Variants in PPM1E observed in about 807,000 individuals in gnomAD.
PPM1E encodes protein phosphatase, Mg2+/Mn2+ dependent 1E.
A neutral mutation model predicts 65.9 loss-of-function variants in PPM1E; 20 were observed. The observed-to-expected ratio is 0.30, with a 90% CI of 0.21 to 0.44. PPM1E has a LOEUF of 0.44. PPM1E is among the 20% of genes least tolerant of loss of function. The probability of loss-of-function intolerance (pLI) is 1.00; values close to 1 mark genes in which losing one functional copy is unlikely to be tolerated. For missense variants in PPM1E, 713 were observed against 953.1 expected (o/e 0.75, Z 3.32); for synonymous variants, 352 against 374.9 (o/e 0.94, Z 0.70).
intron 1 of PPM1E, among the ~76,000 whole-genome samples, chr17:58,784,310 A>G (rs1229067913): frequency 6.6e-6 from 1 of 152,158 alleles, no homozygotes; most frequent in East Asian, 1.9e-4. Flanking sequence ...GGCATGAGCC[A>G]CCACGTCCGG....
At chr17:58,920,127 G>C (rs1469743398) in intron 1 of PPM1E, among the ~76,000 whole-genome samples, 1 of 152,070 alleles carries the variant, frequency 6.6e-6, no homozygotes, top group Non-Finnish European at 1.5e-5. Context: ...GATAAACAGA[G>C]GAATCAAAAT....
At chr17:58,874,276 G>C (rs905145449) in intron 1 of PPM1E, among the ~76,000 whole-genome samples, 1 of 152,150 alleles carries the variant, frequency 6.6e-6, no homozygotes, top group Admixed American at 6.5e-5. Context: ...GTCCTGGGGT[G>C]ATTGCTGCCA....
At chr17:58,904,847 C>G (rs1319749231) in intron 1 of PPM1E, among the ~76,000 whole-genome samples, 1 of 132,062 alleles carries the variant, frequency 7.6e-6, no homozygotes, top group Middle Eastern at 3.8e-3. Flanking sequence ...CCCATCTCTA[C>G]TAAAAATACA....
At chr17:58,798,490 TG>T (rs2050228213) in intron 1 of PPM1E, among the ~76,000 whole-genome samples, 1 of 151,406 alleles carries the variant, frequency 6.6e-6, no homozygotes, top group East Asian at 1.9e-4. Context: ...CCCAAAGTGC[TG>T]GGATTACAGG....
chr17:58,818,879 G>T (rs1316901998), intron 1 of PPM1E, among the ~76,000 whole-genome samples: 4 of 152,218 alleles, frequency 2.6e-5, no homozygotes, highest in African/African-American at 7.2e-5. Flanking sequence ...GCACGTGCTG[G>T]TAGCTGCAAC....
intron 1 of PPM1E, among the ~76,000 whole-genome samples, chr17:58,840,524 G>A (rs1211547883): frequency 6.6e-6 from 1 of 152,142 alleles, no homozygotes; most frequent in Non-Finnish European, 1.5e-5. Context: ...TTATTCTTCA[G>A]TAAGAGTAAC....
chr17:58,756,900 C>G (rs1409590726), intron 1 of PPM1E, among the ~76,000 whole-genome samples: 6 of 152,208 alleles, frequency 3.9e-5, no homozygotes, highest in Admixed American at 1.3e-4. Context: ...TCTGTCTTTT[C>G]CCGGGCTGAG....
At chr17:58,766,196 G>GT (rs10604459) in intron 1 of PPM1E, among the ~76,000 whole-genome samples, 1,488 of 65,132 alleles carry the variant, frequency 0.023, 37 homozygotes, top group Middle Eastern at 0.037. Flanking sequence ...TGTAATTTCT[G>GT]TTTTTTTTTT....
At chr17:58,813,887 T>C (rs932111597) in intron 1 of PPM1E, among the ~76,000 whole-genome samples, 2 of 152,112 alleles carry the variant, frequency 1.3e-5, no homozygotes, top group Non-Finnish European at 2.9e-5. Flanking sequence ...CAGCACTAGG[T>C]GTACAGTGTC....
chr17:58,953,374 C>G (rs974360984), intron 1 of PPM1E, among the ~76,000 whole-genome samples: 9 of 152,168 alleles, frequency 5.9e-5, no homozygotes, highest in African/African-American at 1.7e-4. Context: ...AAAGGGAGCC[C>G]TCATGTGGAG....
intron 1 of PPM1E, among the ~76,000 whole-genome samples, chr17:58,836,888 C>T (rs866210048): frequency 1.0e-3 from 152 of 149,864 alleles, no homozygotes; most frequent in African/African-American, 3.4e-3. Context: ...GGCATGGTGG[C>T]GCGCGCCTGT....
rs1423331262 is a variant in PPM1E, at chr17:58,982,732, A to G, written c.*1701A>G. ...AGTATTTGTTTTCTCTTGATTTTGA[A>G]GTCATTTCTTCTTCTCACGTCTGTG... On this transcript the variant is annotated 3_prime_UTR_variant, in exon 7 of 7. Coordinates refer to ENST00000308249, the MANE Select transcript of PPM1E (RefSeq NM_014906.5). 2 of 531,418 alleles carry G rather than the reference A, an allele frequency of 3.8e-6. No homozygotes were observed. The highest frequency in any genetic ancestry group is 6.7e-6 in the Non-Finnish European group (2 of 300,620). 32.9% of individuals were successfully genotyped at this position (531,418 alleles called of 1,614,324 possible). A position where few individuals can be genotyped will look rare whatever the true frequency, so the allele number is the denominator to read the frequency against.
chr17:58,921,912 C>T (rs2051756665), intron 1 of PPM1E, among the ~76,000 whole-genome samples: 1 of 151,562 alleles, frequency 6.6e-6, no homozygotes, highest in Non-Finnish European at 1.5e-5. Flanking sequence ...TGGTGGCACG[C>T]ACCTGTAATC....
intron 1 of PPM1E, among the ~76,000 whole-genome samples, chr17:58,828,848 C>T (rs980175052): frequency 1.3e-5 from 2 of 152,076 alleles, no homozygotes; most frequent in Non-Finnish European, 2.9e-5. Flanking sequence ...AAATTATAGA[C>T]AGTAACTCTT....
At chr17:58,883,972 G>A (rs1040696024) in intron 1 of PPM1E, among the ~76,000 whole-genome samples, 2 of 152,144 alleles carry the variant, frequency 1.3e-5, no homozygotes. Context: ...CTAATCTACT[G>A]GGCTCAATCG....
chr17:58,862,131 T>C (rs985525406), intron 1 of PPM1E, among the ~76,000 whole-genome samples: 4 of 152,182 alleles, frequency 2.6e-5, no homozygotes, highest in African/African-American at 9.6e-5. Context: ...ATTCACAGTT[T>C]CCTGGAGACA....
At chr17:58,821,040 G>GATT in intron 1 of PPM1E, among the ~76,000 whole-genome samples, 1 of 151,876 alleles carries the variant, frequency 6.6e-6, no homozygotes, top group South Asian at 2.1e-4. Flanking sequence ...TCACATAAGT[G>GATT]ATTATTATTA....
chr17:58,845,895 G>A (rs1320395152), intron 1 of PPM1E, among the ~76,000 whole-genome samples: 1 of 152,166 alleles, frequency 6.6e-6, no homozygotes, highest in Admixed American at 6.5e-5. Context: ...TGGCCAGCCT[G>A]GTCTCGAACT....
intron 1 of PPM1E, among the ~76,000 whole-genome samples, chr17:58,815,254 T>C (rs974114309): frequency 6.6e-6 from 1 of 152,226 alleles, no homozygotes. Context: ...TGAATGCCAT[T>C]GTGTTAGCAG....
Sources: gnomAD v4.1 joint callset for allele counts (sites outside exome capture counted in the v4.1 genomes callset) on GRCh38, gnomAD v4.1.1 for gene constraint, MANE v1.5 for transcripts, NCBI Gene and HGNC (gene_info 2026-07-23, HGNC 2026-07-21) for gene names.